The following FHOD3 variants were observed in gnomAD, a reference collection of about 807,000 sequenced individuals.
FHOD3 encodes FH1/FH2 domain-containing protein 3.
Under a neutral mutation model 173.0 loss-of-function variants are expected in FHOD3, and 90 were observed. The observed-to-expected ratio is 0.52, with a 90% CI of 0.44 to 0.62. The LOEUF is 0.62. Ranked by LOEUF, FHOD3 falls within the 20% of genes least tolerant of loss-of-function variation. The probability of loss-of-function intolerance (pLI) is 0.00; values close to 1 mark genes in which losing one functional copy is unlikely to be tolerated. For missense variants in FHOD3, 1,945 were observed against 2,034.7 expected, an observed-to-expected ratio of 0.96 and a Z score of 0.85; for synonymous variants, 828 against 823.0, an observed-to-expected ratio of 1.01 and a Z score of -0.10.
intron 23 of FHOD3, among the ~76,000 whole-genome samples, chr18:36,745,673 C>T (rs777344935): frequency 9.2e-5 from 14 of 152,038 alleles, no homozygotes; most frequent in African/African-American, 2.2e-4. Context: ...GGCTTACCTC[C>T]GCGCCCCTGC....
chr18:36,423,765 C>CAGTGGTAT (rs2050108017), intron 3 of FHOD3, among the ~76,000 whole-genome samples: 1 of 152,126 alleles, frequency 6.6e-6, no homozygotes, highest in Non-Finnish European at 1.5e-5. Flanking sequence ...TTTTTACTAA[C>CAGTGGTAT]AGTGGCATAG....
At chr18:36,489,763 A>C (rs2054372275) in intron 3 of FHOD3, among the ~76,000 whole-genome samples, 1 of 152,230 alleles carries the variant, frequency 6.6e-6, no homozygotes, top group South Asian at 2.1e-4. Flanking sequence ...TTAATTTGGA[A>C]ATTAAGAAAA....
At chr18:36,598,393 C>T (rs2030822989) in intron 7 of FHOD3, among the ~76,000 whole-genome samples, 1 of 152,144 alleles carries the variant, frequency 6.6e-6, no homozygotes, top group African/African-American at 2.4e-5. Context: ...TAAATATAAA[C>T]ATCATGCATG....
chr18:36,297,793 C>G lies in FHOD3; in HGVS notation c.-43C>G. On this transcript the variant is annotated 5_prime_UTR_variant, in exon 1 of 29. Transcript: ENST00000590592. The stretch of plus-strand genomic sequence containing the variant: ...CTACCCGGGCGTCCCGGCCCGCGGC[C>G]CCGCTAACCCCGGGGCCCGCGCCCC... 1 of 1,462,266 alleles carries G rather than the reference C, an allele frequency of 6.8e-7. No homozygotes were observed. The highest frequency in any genetic ancestry group is 9.1e-7 in the Non-Finnish European group (1 of 1,102,574). 90.6% of individuals were successfully genotyped at this position (1,462,266 alleles called of 1,614,324 possible). A position where few individuals can be genotyped will look rare whatever the true frequency, so the allele number is the denominator to read the frequency against.
At chr18:36,334,053 A>G (rs1191429023) in intron 1 of FHOD3, among the ~76,000 whole-genome samples, 5 of 152,108 alleles carry the variant, frequency 3.3e-5, no homozygotes. Context: ...AAGCTCTTGC[A>G]TTCTCTCTCT....
chr18:36,374,017 TA>T (rs1258526088), intron 3 of FHOD3, among the ~76,000 whole-genome samples: 10 of 152,194 alleles, frequency 6.6e-5, no homozygotes, highest in Admixed American at 1.3e-4. Flanking sequence ...ACACAGTTGA[TA>T]ACTACAAGAA....
At chr18:36,516,473 A>G (rs1375075373) in intron 5 of FHOD3, among the ~76,000 whole-genome samples, 3 of 152,144 alleles carry the variant, frequency 2.0e-5, no homozygotes, top group Non-Finnish European at 4.4e-5. Context: ...TGGAGTGGCG[A>G]GGGCCTGTGT....
chr18:36,682,240 C>T (rs2038298762), intron 15 of FHOD3, among the ~76,000 whole-genome samples: 1 of 152,224 alleles, frequency 6.6e-6, no homozygotes, highest in African/African-American at 2.4e-5. Flanking sequence ...TCACACCCAT[C>T]CCCTGGGCTT....
chr18:36,668,495 T>A (rs1305460479), intron 14 of FHOD3, among the ~76,000 whole-genome samples: 6 of 151,986 alleles, frequency 3.9e-5, no homozygotes, highest in Non-Finnish European at 8.8e-5. Context: ...ATTTTTATAC[T>A]GTTTTTCTGT....
At position 36,380,573 on chromosome 18, in the gene FHOD3, T is replaced by TTTCCTTTCC. The variant is rs1568196202; in HGVS notation, c.337+7831_337+7832insCCTTTCCTT. Among the ~76,000 whole-genome samples the TTTCCTTTCC allele has an allele frequency of 5.3e-3, 420 of 79,896 alleles. 8 individuals carry two copies. Among genetic ancestry groups the TTTCCTTTCC allele is most frequent in the African/African-American group, 0.021 (383 of 18,384 alleles). The allele number at this position is 79,896 out of a possible 152,430, so 52.4% of individuals were successfully genotyped here. ...TTTTGTTTTCTTTTCTTTTCTTTTC[T>TTTCCTTTCC]TTTCTTTTCCTTTCCTTTCCTTTCC... On this transcript the variant is annotated intron_variant, in intron 3 of 28. Transcript: ENST00000590592.
intron 1 of FHOD3, among the ~76,000 whole-genome samples, chr18:36,328,259 A>T (rs2044776597): frequency 6.6e-6 from 1 of 152,122 alleles, no homozygotes; most frequent in Non-Finnish European, 1.5e-5. Context: ...ATCCTTTTTC[A>T]TGTGGGGTAT....
chr18:36,335,014 C>A (rs2045231535), intron 1 of FHOD3, among the ~76,000 whole-genome samples: 1 of 152,180 alleles, frequency 6.6e-6, no homozygotes, highest in Non-Finnish European at 1.5e-5. Context: ...CCTGTCCCTA[C>A]CCCTTGTGGC....
intron 3 of FHOD3, among the ~76,000 whole-genome samples, chr18:36,466,413 A>G (rs2052941919): frequency 6.6e-6 from 1 of 152,202 alleles, no homozygotes; most frequent in African/African-American, 2.4e-5. Flanking sequence ...GACCTCCTCC[A>G]TGGCTTGAAG....
intron 18 of FHOD3, among the ~76,000 whole-genome samples, chr18:36,712,732 T>C (rs530164654): frequency 2.0e-5 from 3 of 152,146 alleles, no homozygotes; most frequent in Non-Finnish European, 4.4e-5. Flanking sequence ...TTCTCAAATT[T>C]GTCAAAAGGT....
intron 5 of FHOD3, among the ~76,000 whole-genome samples, chr18:36,526,963 A>G (rs62082325): frequency 5.3e-5 from 8 of 152,260 alleles, no homozygotes; most frequent in Non-Finnish European, 1.2e-4. Context: ...AACCAAGAAT[A>G]GCTGAACCTT....
At chr18:36,370,940 G>T (rs2047156308) in intron 2 of FHOD3, among the ~76,000 whole-genome samples, 1 of 152,098 alleles carries the variant, frequency 6.6e-6, no homozygotes, top group South Asian at 2.1e-4. Flanking sequence ...ACTTTCTTCT[G>T]GTCTGGTCAG....
intron 17 of FHOD3, among the ~76,000 whole-genome samples, chr18:36,694,994 T>TGC (rs1026728682): frequency 6.6e-6 from 1 of 151,342 alleles, no homozygotes; most frequent in Admixed American, 6.6e-5. Context: ...TGTGTGTGTG[T>TGC]GTGCGTGTGT....
At chr18:36,763,490 C>T (rs565117157) in intron 27 of FHOD3, among the ~76,000 whole-genome samples, 15 of 138,166 alleles carry the variant, frequency 1.1e-4, no homozygotes, top group African/African-American at 2.6e-4. Context: ...GTATTATACA[C>T]GTTATATATA....
At chr18:36,724,515 T>G (rs1270717021) in intron 19 of FHOD3, among the ~76,000 whole-genome samples, 1 of 152,192 alleles carries the variant, frequency 6.6e-6, no homozygotes, top group Non-Finnish European at 1.5e-5. Flanking sequence ...CCTTGAGTGC[T>G]GTCTGTTTGA....
Sources: allele counts gnomAD v4.1 joint callset (sites outside exome capture counted in the v4.1 genomes callset), GRCh38; gene constraint gnomAD v4.1.1; transcripts MANE v1.5; gene names NCBI Gene and HGNC (gene_info 2026-07-23, HGNC 2026-07-21).